Variants in TMEM167A observed in about 807,000 individuals in gnomAD.
TMEM167A encodes the protein transmembrane protein 167A.
A neutral mutation model predicts 11.6 loss-of-function variants in TMEM167A; 8 were observed. The observed-to-expected ratio is 0.69, with a 90% confidence interval of 0.40 to 1.24. The LOEUF is 1.24. Ranked by LOEUF, TMEM167A falls within the 50% of genes most tolerant of loss-of-function variation. TMEM167A has a pLI of 0.01. For missense variants in TMEM167A, 62 were observed against 87.0 expected, an observed-to-expected ratio of 0.71 and a Z score of 1.14; for synonymous variants, 22 against 28.0, an observed-to-expected ratio of 0.79 and a Z score of 0.67.
intron 1 of TMEM167A, among the ~76,000 whole-genome samples, chr5:83,066,886 T>C (rs1744491334): frequency 6.6e-6 from 1 of 152,138 alleles, no homozygotes; most frequent in South Asian, 2.1e-4. Flanking sequence ...TATAAAGCCA[T>C]GATGCTCCTC....
chr5:83,062,153 G>A lies in TMEM167A; in HGVS notation c.114-242C>T, dbSNP rs184213688. 5.2e-3 allele frequency among the ~76,000 whole-genome samples: 790 copies of A among 152,212 alleles called. 8 individuals are homozygous for A. Among genetic ancestry groups the A allele is most frequent in the African/African-American group, 0.018 (739 of 41,544 alleles). The stretch of plus-strand genomic sequence containing the variant: ...GAAATGGAATATAAATAGTGTCATA[G>A]GTCAAATCCAGGGCAAATTAGTGAG... On this transcript the variant is annotated intron_variant, in intron 2 of 3. Coordinates refer to ENST00000502346, the MANE Select transcript of TMEM167A (RefSeq NM_174909.5).
chr5:83,058,373 G>C lies in TMEM167A; in HGVS notation c.149-1219C>G, dbSNP rs140724512. 1.6e-4 allele frequency among the ~76,000 whole-genome samples: 25 copies of C among 151,962 alleles called. 1 individual carries two copies. In the East Asian group the frequency reaches 4.8e-3, roughly 29 times the overall value. On this transcript the variant is annotated intron_variant, in intron 3 of 3. Coordinates refer to ENST00000502346, the MANE Select transcript of TMEM167A (RefSeq NM_174909.5). ...TCTGAAAGTATTTGTTTAATCTGTAGACATTTAATGGACTGCCTTCCGGCT... is the reference window on the plus strand; with the variant it reads ...TCTGAAAGTATTTGTTTAATCTGTACACATTTAATGGACTGCCTTCCGGCT...
intron 1 of TMEM167A, 97 bp from the exon 2 acceptor site, chr5:83,065,214 C>T (rs1231222642): frequency 1.3e-6 from 1 of 746,134 alleles, no homozygotes; most frequent in Non-Finnish European, 2.2e-6. Context: ...GTTTTTATTT[C>T]TTCAAGAAGG....
chr5:83,075,561 A>G (rs911075518), intron 1 of TMEM167A, among the ~76,000 whole-genome samples: 1 of 152,130 alleles, frequency 6.6e-6, no homozygotes, highest in Non-Finnish European at 1.5e-5. Context: ...CTTGGCCAAC[A>G]TGGTGAAACC....
intron 1 of TMEM167A, among the ~76,000 whole-genome samples, chr5:83,074,328 A>G (rs1284068971): frequency 6.6e-6 from 1 of 152,184 alleles, no homozygotes; most frequent in Non-Finnish European, 1.5e-5. Flanking sequence ...AATACTCTTT[A>G]AAGTACAGGT....
intron 1 of TMEM167A, among the ~76,000 whole-genome samples, chr5:83,068,679 T>C (rs77864540): frequency 7.2e-5 from 11 of 152,080 alleles, no homozygotes; most frequent in Admixed American, 7.2e-4. Context: ...GAAAAAGTCA[T>C]TGGCACGTTC....
At position 83,055,513 on chromosome 5, in the gene TMEM167A, T is replaced by C. The variant is rs1429344984; in HGVS notation, c.*1571A>G. On this transcript the variant is annotated 3_prime_UTR_variant, in exon 4 of 4. Transcript: ENST00000502346. ...ACAATGATTATAACCTGATTCCCTA[T>C]CTAAAGCAAAATATACCACTTTTAA... 1 of 151,894 alleles carries C rather than the reference T, an allele frequency of 6.6e-6. No homozygotes were observed. The highest frequency in any genetic ancestry group is 2.4e-5 in the African/African-American group (1 of 41,376). 9.4% of individuals were successfully genotyped at this position (151,894 alleles called of 1,614,324 possible). A position where few individuals can be genotyped will look rare whatever the true frequency, so the allele number is the denominator to read the frequency against.
At chr5:83,061,236 T>A (rs1419899688) in intron 3 of TMEM167A, among the ~76,000 whole-genome samples, 3 of 152,192 alleles carry the variant, frequency 2.0e-5, no homozygotes, top group African/African-American at 4.8e-5. Context: ...ATCCTAGTTA[T>A]CAAAATGGTA....
chr5:83,077,015 T>G (rs1268423975), intron 1 of TMEM167A, among the ~76,000 whole-genome samples: 1 of 152,188 alleles, frequency 6.6e-6, no homozygotes, highest in Admixed American at 6.5e-5. Flanking sequence ...GAAGCGCTAA[T>G]GCTTCAAAGG....
intron 1 of TMEM167A, among the ~76,000 whole-genome samples, chr5:83,074,526 T>G (rs187498000): frequency 6.6e-6 from 1 of 152,350 alleles, no homozygotes; most frequent in East Asian, 1.9e-4. Flanking sequence ...TTGCAGAGTT[T>G]GTGAAAATCA....
intron 3 of TMEM167A, among the ~76,000 whole-genome samples, chr5:83,057,967 C>T (rs1337249854): frequency 1.3e-5 from 2 of 151,992 alleles, no homozygotes; most frequent in African/African-American, 2.4e-5. Flanking sequence ...TCATAAAGCA[C>T]CAGACATTTC....
chr5:83,061,761 A>G (rs1744410050), intron 3 of TMEM167A, 116 bp downstream of exon 3: 5 of 1,040,140 alleles, frequency 4.8e-6, no homozygotes, highest in Non-Finnish European at 7.2e-6. Flanking sequence ...GCGAAAATGC[A>G]TAAAATTGGG....
chr5:83,061,998 G>T, intron 2 of TMEM167A, 87 bp from the exon 3 acceptor site: 1 of 1,089,644 alleles, frequency 9.2e-7, no homozygotes, highest in Non-Finnish European at 1.4e-6. Context: ...GGAATTAATT[G>T]TATATTAACA....
At chr5:83,057,853 C>T (rs1744354412) in intron 3 of TMEM167A, among the ~76,000 whole-genome samples, 1 of 152,036 alleles carries the variant, frequency 6.6e-6, no homozygotes, top group Non-Finnish European at 1.5e-5. Context: ...CTCAAACTGG[C>T]TTGTGAATTG....
intron 1 of TMEM167A, among the ~76,000 whole-genome samples, chr5:83,073,104 G>A (rs781252443): frequency 6.6e-5 from 10 of 152,188 alleles, no homozygotes; most frequent in Non-Finnish European, 1.5e-4. Context: ...ACAGCATTTC[G>A]TGACAAATTG....
At position 83,061,911 on chromosome 5, in the gene TMEM167A, T is replaced by A. The variant is rs1382556765; in HGVS notation, c.114A>T (p.Gly38=). The A allele has an allele frequency of 1.9e-6, 3 of 1,612,310 alleles. No individual in the cohort carries two copies. Among genetic ancestry groups the A allele is most frequent in the Admixed American group, 3.3e-5 (2 of 59,956 alleles). ...CACACTTCCAAAATATACCCAACAA[T>A]CTGCATAGAATAAAAAAAGAAAAAA... ...APSLLDRNKT[G]LLGIFWKCAR... The change falls in exon 3 of 4, where the codon GGA becomes GGT. Residue 38 remains glycine (G), a splice_region_variant and synonymous_variant. Transcript: ENST00000502346.
At chr5:83,077,281 T>C (rs1744698305) in intron 1 of TMEM167A, 40 bp downstream of exon 1, 2 of 1,614,076 alleles carry the variant, frequency 1.2e-6, no homozygotes, top group African/African-American at 2.7e-5. Flanking sequence ...CACAACCCCT[T>C]CTCGAAGATC....
In TMEM167A at chr5:83,053,063, T is replaced by C. The variant is rs1189031393; in HGVS notation, c.*4021A>G. 6.6e-6 allele frequency: 1 copy of C among 151,946 alleles called. No individual in the cohort carries two copies. The highest frequency in any genetic ancestry group is 1.5e-5 in the Non-Finnish European group (1 of 67,904). The allele number at this position is 151,946 out of a possible 1,614,324, so 9.4% of individuals were successfully genotyped here. A position where few individuals can be genotyped will look rare whatever the true frequency, so the allele number is the denominator to read the frequency against. ...AATAACATTAATTATGAAGCTACTTTTCAGAAGCTAGTAGTAACTTGCTTA... is the reference window on the plus strand; with the variant it reads ...AATAACATTAATTATGAAGCTACTTCTCAGAAGCTAGTAGTAACTTGCTTA... On this transcript the variant is annotated 3_prime_UTR_variant, in exon 4 of 4. Coordinates refer to ENST00000502346, the MANE Select transcript of TMEM167A (RefSeq NM_174909.5).
At chr5:83,065,247 A>C in intron 1 of TMEM167A, 130 bp from the exon 2 acceptor site, 2 of 609,066 alleles carry the variant, frequency 3.3e-6, no homozygotes, top group Non-Finnish European at 5.8e-6. Flanking sequence ...CAAGTCTGGC[A>C]ACACTTAAAA....
Sources: allele counts gnomAD v4.1 joint callset (sites outside exome capture counted in the v4.1 genomes callset), GRCh38; gene constraint gnomAD v4.1.1; transcripts MANE v1.5; gene names NCBI Gene and HGNC (gene_info 2026-07-23, HGNC 2026-07-21).